The following DOCK3 variants were observed in gnomAD, a reference collection of about 807,000 sequenced individuals.
DOCK3 encodes the protein dedicator of cytokinesis protein 3.
DOCK3 carries 60 observed loss-of-function variants against 265.6 expected under a neutral mutation model. That is an observed-to-expected ratio of 0.23 (90% CI 0.18 to 0.28). DOCK3 has a LOEUF of 0.28. DOCK3 is among the 10% of genes least tolerant of loss of function. The pLI, the probability that DOCK3 is intolerant of heterozygous loss-of-function variation, is 1.00. For missense variants in DOCK3, 1,981 were observed against 2,594.3 expected (o/e 0.76, Z 5.14); for synonymous variants, 881 against 938.0 (o/e 0.94, Z 1.11).
chr3:50,977,763 C>T lies in DOCK3; in HGVS notation c.315+43686C>T, dbSNP rs547655486. ...TTTTCCAACTTGGTTCCATTCTCCC[C>T]GTCACTTTCAGGTACACCAATCAGA... On this transcript the variant is annotated intron_variant, in intron 5 of 52. Coordinates refer to ENST00000266037, the MANE Select transcript of DOCK3 (RefSeq NM_004947.5). Among the ~76,000 whole-genome samples the T allele has an allele frequency of 1.8e-3, 267 of 152,132 alleles. 2 individuals carry two copies. The highest frequency in any genetic ancestry group is 7.7e-3 in the East Asian group (40 of 5,176).
rs36051516 is a variant in DOCK3 at position 51,193,801 on chromosome 3, C to CTT, written c.1038-14958_1038-14957dup. Among the ~76,000 whole-genome samples the CTT allele has an allele frequency of 5.8e-3, 732 of 126,622 alleles. 9 individuals are homozygous for CTT. Among genetic ancestry groups the CTT allele is most frequent in the East Asian group, 0.015 (64 of 4,370 alleles). 83.1% of individuals were successfully genotyped at this position (126,622 alleles called of 152,430 possible). ...TCTGATTTTATTTGGGGGCTTCTCT[C>CTT]TTTTTTTTTTTTTTTTCTTGGTTAG... On this transcript the variant is annotated intron_variant, in intron 12 of 52. Coordinates refer to ENST00000266037, the MANE Select transcript of DOCK3 (RefSeq NM_004947.5).
At chr3:51,109,548 A>C (rs927576125) in intron 9 of DOCK3, among the ~76,000 whole-genome samples, 1 of 152,194 alleles carries the variant, frequency 6.6e-6, no homozygotes, top group Non-Finnish European at 1.5e-5. Flanking sequence ...TTGAGACACA[A>C]AAAAATTCAA....
chr3:51,116,744 C>T (rs1283096536), intron 9 of DOCK3, among the ~76,000 whole-genome samples: 3 of 152,088 alleles, frequency 2.0e-5, no homozygotes, highest in East Asian at 1.9e-4. Context: ...GGAGTTCACT[C>T]GTGATTTGGC....
rs1225615194 is a variant in DOCK3 at position 51,355,095 on chromosome 3, C to T, written c.4249+72C>T. 2.6e-6 allele frequency: 4 copies of T among 1,542,892 alleles called. No individual in the cohort carries two copies. In the African/African-American group the frequency reaches 4.1e-5, roughly 16 times the overall value. On this transcript the variant is annotated intron_variant, in intron 41 of 52. Coordinates refer to ENST00000266037, the MANE Select transcript of DOCK3 (RefSeq NM_004947.5). ...GGTGAGATCCACCCAGTCAGCTGCCCCTTTACCACATTGCCAACCATACAG... is the reference window on the plus strand; with the variant it reads ...GGTGAGATCCACCCAGTCAGCTGCCTCTTTACCACATTGCCAACCATACAG...
chr3:51,308,839 C>T (rs1228861988), intron 27 of DOCK3, among the ~76,000 whole-genome samples: 3 of 149,720 alleles, frequency 2.0e-5, no homozygotes, highest in Non-Finnish European at 4.5e-5. Context: ...GGGCGGCTGC[C>T]GGGCGGAGGG....
At chr3:51,149,651 T>G (rs2085480504) in intron 10 of DOCK3, among the ~76,000 whole-genome samples, 1 of 152,194 alleles carries the variant, frequency 6.6e-6, no homozygotes, top group South Asian at 2.1e-4. Context: ...TTTATTGATT[T>G]GTGTATGTTG....
chr3:51,329,504 T>C (rs2084377475), intron 32 of DOCK3, among the ~76,000 whole-genome samples: 1 of 152,136 alleles, frequency 6.6e-6, no homozygotes, highest in African/African-American at 2.4e-5. Flanking sequence ...GGAACAAATA[T>C]AGTCTTGCTC....
chr3:51,156,755 G>A (rs560441159), intron 10 of DOCK3, among the ~76,000 whole-genome samples: 1 of 152,072 alleles, frequency 6.6e-6, no homozygotes, highest in East Asian at 1.9e-4. Context: ...TATACTTAAG[G>A]CTTCTTTTAT....
intron 2 of DOCK3, among the ~76,000 whole-genome samples, chr3:50,785,847 C>A (rs2042157950): frequency 6.6e-6 from 1 of 151,948 alleles, no homozygotes. Context: ...GGGAGTCCCT[C>A]TTTCTCTATC....
chr3:50,813,696 A>G (rs2043897371), intron 2 of DOCK3, among the ~76,000 whole-genome samples: 1 of 152,170 alleles, frequency 6.6e-6, no homozygotes, highest in South Asian at 2.1e-4. Flanking sequence ...AAACCTGCTT[A>G]AGTCAGGGAC....
At chr3:51,248,619 T>A (rs2078959364) in intron 22 of DOCK3, among the ~76,000 whole-genome samples, 1 of 151,932 alleles carries the variant, frequency 6.6e-6, no homozygotes, top group Admixed American at 6.5e-5. Flanking sequence ...CGCCACCCCG[T>A]CTGGGCAGTG....
intron 1 of DOCK3, among the ~76,000 whole-genome samples, chr3:50,738,714 AG>A (rs2108204790): frequency 6.6e-6 from 1 of 152,270 alleles, no homozygotes; most frequent in South Asian, 2.1e-4. Flanking sequence ...ATTTATGGTG[AG>A]GTACTATTCC....
At chr3:50,837,902 T>C (rs2045603153) in intron 2 of DOCK3, among the ~76,000 whole-genome samples, 1 of 152,018 alleles carries the variant, frequency 6.6e-6, no homozygotes, top group African/African-American at 2.4e-5. Flanking sequence ...AGTGGATGGA[T>C]GGGATGGGGA....
intron 5 of DOCK3, among the ~76,000 whole-genome samples, chr3:50,986,685 C>A (rs1280172096): frequency 6.6e-6 from 1 of 152,160 alleles, no homozygotes; most frequent in African/African-American, 2.4e-5. Context: ...TCACACCTGG[C>A]ATGTTTTATA....
chr3:51,035,453 C>T (rs548723825), intron 5 of DOCK3, among the ~76,000 whole-genome samples: 5 of 152,168 alleles, frequency 3.3e-5, no homozygotes, highest in Admixed American at 2.6e-4. Flanking sequence ...TTTGAGATTT[C>T]TTATTTTGTC....
intron 9 of DOCK3, among the ~76,000 whole-genome samples, chr3:51,093,789 A>C (rs1377581723): frequency 1.3e-5 from 2 of 152,194 alleles, no homozygotes; most frequent in Non-Finnish European, 2.9e-5. Context: ...ATTCAGTATG[A>C]TACTGGCTCT....
rs1465287571 is a variant in DOCK3 at position 50,806,965 on chromosome 3, G to C, written c.121+28207G>C. Among the ~76,000 whole-genome samples the C allele has an allele frequency of 3.3e-5, 5 of 152,172 alleles. No homozygotes were observed. In the South Asian group the frequency reaches 1.0e-3, roughly 32 times the overall value. Reference sequence around the variant, plus strand: ...CTTTGCAGTGGTGGTAGGGGATGGTGGGGATCTTCTGCTTACTTTTCCCTT... The same window carrying C: ...CTTTGCAGTGGTGGTAGGGGATGGTCGGGATCTTCTGCTTACTTTTCCCTT... On this transcript the variant is annotated intron_variant, in intron 2 of 52. Coordinates refer to ENST00000266037, the MANE Select transcript of DOCK3 (RefSeq NM_004947.5).
chr3:51,253,136 C>G (rs1266876900), intron 22 of DOCK3, among the ~76,000 whole-genome samples: 5 of 152,068 alleles, frequency 3.3e-5, no homozygotes, highest in African/African-American at 1.2e-4. Context: ...GGTTTTTTGT[C>G]TTTGGTTCTG....
At chr3:50,806,030 C>T (rs1372696494) in intron 2 of DOCK3, among the ~76,000 whole-genome samples, 1 of 151,822 alleles carries the variant, frequency 6.6e-6, no homozygotes, top group African/African-American at 2.4e-5. Context: ...GGGGGTGCTT[C>T]TGTAGAGGGT....
Sources: allele counts gnomAD v4.1 joint callset (sites outside exome capture counted in the v4.1 genomes callset), GRCh38; gene constraint gnomAD v4.1.1; transcripts MANE v1.5; gene names NCBI Gene and HGNC (gene_info 2026-07-23, HGNC 2026-07-21).